RASGRP3: variants seen among roughly 807,000 people sequenced by gnomAD.
RASGRP3 encodes the protein RAS guanyl releasing protein 3.
RASGRP3 carries 54 observed loss-of-function variants against 82.7 expected under a neutral mutation model. The ratio of observed to expected loss-of-function variants is 0.65; its 90% CI spans 0.52 to 0.82. RASGRP3 has a LOEUF of 0.82. RASGRP3 is among the 40% of genes least tolerant of loss of function. The pLI, the probability that RASGRP3 is intolerant of heterozygous loss-of-function variation, is 0.00. For synonymous variants in RASGRP3, 309 were observed against 300.5 expected, an observed-to-expected ratio of 1.03 and a Z score of -0.29; for missense variants, 861 against 828.9, an observed-to-expected ratio of 1.04 and a Z score of -0.48.
chr2:33,468,067 T>G (rs1324415999), intron 2 of RASGRP3, among the ~76,000 whole-genome samples: 1 of 150,880 alleles, frequency 6.6e-6, no homozygotes, highest in Non-Finnish European at 1.5e-5. Context: ...CATGATTTGT[T>G]TTTTTCTCTT....
chr2:33,484,081 A>G (rs1668161854), intron 1 of RASGRP3, among the ~76,000 whole-genome samples: 1 of 152,190 alleles, frequency 6.6e-6, no homozygotes, highest in Non-Finnish European at 1.5e-5. Context: ...CCATCCAGCA[A>G]TTCAAATTTG....
At chr2:33,488,667 G>T (rs1274262637) in intron 1 of RASGRP3, among the ~76,000 whole-genome samples, 1 of 152,086 alleles carries the variant, frequency 6.6e-6, no homozygotes, top group African/African-American at 2.4e-5. Context: ...AATAAAACAA[G>T]GGCCAAAATC....
chr2:33,539,040 AAAT>A (rs983510545), intron 11 of RASGRP3, 51 bp from the exon 12 acceptor site: 852 of 1,258,810 alleles, frequency 6.8e-4, no homozygotes, highest in Non-Finnish European at 7.6e-4. Flanking sequence ...CCCTGTCTCA[AAAT>A]AATAATAATA....
intron 1 of RASGRP3, among the ~76,000 whole-genome samples, chr2:33,487,828 G>A (rs1668525217): frequency 1.3e-5 from 2 of 152,170 alleles, no homozygotes; most frequent in South Asian, 2.1e-4. Context: ...TGCCAGCCAT[G>A]GTGGCTCATG....
In RASGRP3 at chr2:33,540,794, T is replaced by G. The variant is rs537153843; in HGVS notation, c.1278+1584T>G. Reference sequence around the variant, plus strand: ...ATAAATATGGATGTTAAACTATAAATAGTAGGCATTCCAAAATAGTTAACT... The same window carrying G: ...ATAAATATGGATGTTAAACTATAAAGAGTAGGCATTCCAAAATAGTTAACT... On this transcript the variant is annotated intron_variant, in intron 12 of 17. Coordinates refer to ENST00000403687, the MANE Select transcript of RASGRP3 (RefSeq NM_001139488.2). Among the ~76,000 whole-genome samples, 2 of 145,808 alleles carry G rather than the reference T, an allele frequency of 1.4e-5. 1 individual carries two copies. Among genetic ancestry groups the G allele is most frequent in the Admixed American group, 1.4e-4 (2 of 14,020 alleles).
chr2:33,437,774 G>C (rs1248015772), intron 1 of RASGRP3, among the ~76,000 whole-genome samples: 2 of 151,866 alleles, frequency 1.3e-5, no homozygotes, highest in African/African-American at 4.8e-5. Context: ...CTGTTAGAAA[G>C]TATAATATGT....
At chr2:33,512,190 C>G (rs772839273) in intron 2 of RASGRP3, among the ~76,000 whole-genome samples, 3 of 152,174 alleles carry the variant, frequency 2.0e-5, no homozygotes, top group Middle Eastern at 3.2e-3. Flanking sequence ...CCACCTGGCC[C>G]GTCGTGTGCC....
chr2:33,555,454 A>C, intron 14 of RASGRP3, 77 bp from the exon 15 acceptor site: 1 of 1,303,578 alleles, frequency 7.7e-7, no homozygotes, highest in Non-Finnish European at 1.1e-6. Context: ...GCTTCCCAGG[A>C]CTTCCTTTTC....
intron 2 of RASGRP3, among the ~76,000 whole-genome samples, chr2:33,466,435 T>C (rs1177548851): frequency 6.6e-6 from 1 of 152,172 alleles, no homozygotes; most frequent in African/African-American, 2.4e-5. Flanking sequence ...TCCCAGCACC[T>C]TGGGAGGCCG....
At chr2:33,516,989 T>G (rs1671528090) in intron 4 of RASGRP3, among the ~76,000 whole-genome samples, 1 of 152,246 alleles carries the variant, frequency 6.6e-6, no homozygotes, top group African/African-American at 2.4e-5. Flanking sequence ...TCTTCTGGGA[T>G]GGCAAAATGG....
rs980788202 is a variant in RASGRP3 at position 33,477,441 on chromosome 2, T to C, written c.-261+734T>C. Among the ~76,000 whole-genome samples the C allele has an allele frequency of 5.3e-5, 8 of 152,378 alleles. No homozygotes were observed. In the South Asian group the frequency reaches 1.7e-3, roughly 32 times the overall value. On this transcript the variant is annotated intron_variant, in intron 1 of 17. Transcript: ENST00000403687. ...TTACTTTAAAATGTTCGGTTGCCGC[T>C]GGTCTTCCTTATTTTAGTGTTTTCG... is the stretch of plus-strand genomic sequence containing the variant.
Position 33,538,836 on chromosome 2 carries a change from A to G in RASGRP3, c.1162-258A>G, listed in dbSNP as rs565081095. ...GGAGAATTGCTTGAGCCCAGGAGTT[A>G]GAGACCAGCCTGTGCAACATGGTGA... On this transcript the variant is annotated intron_variant, in intron 11 of 17. Coordinates refer to ENST00000403687, the MANE Select transcript of RASGRP3 (RefSeq NM_001139488.2). 1.5e-3 allele frequency among the ~76,000 whole-genome samples: 234 copies of G among 152,196 alleles called. 1 individual carries two copies. The highest frequency in any genetic ancestry group is 5.3e-3 in the African/African-American group (222 of 41,544).
intron 12 of RASGRP3, among the ~76,000 whole-genome samples, chr2:33,543,280 C>G (rs13428482): frequency 0.13 from 19,300 of 152,198 alleles, 1,563 homozygotes; most frequent in Admixed American, 0.17. Flanking sequence ...CTCCAACTCC[C>G]AAAGTGCTGG....
chr2:33,555,684 T>C, intron 15 of RASGRP3, 117 bp downstream of exon 15: 2 of 908,158 alleles, frequency 2.2e-6, no homozygotes, highest in South Asian at 3.2e-5. Context: ...GTCTTTTGGG[T>C]CAACGGCAAC....
At chr2:33,561,625 T>C (rs1169663189) in intron 17 of RASGRP3, among the ~76,000 whole-genome samples, 1 of 152,156 alleles carries the variant, frequency 6.6e-6, no homozygotes, top group Non-Finnish European at 1.5e-5. Flanking sequence ...TTTTTTTTTT[T>C]TCTGCCAGGC....
At chr2:33,519,051 A>T (rs186832180) in intron 4 of RASGRP3, among the ~76,000 whole-genome samples, 1 of 152,336 alleles carries the variant, frequency 6.6e-6, no homozygotes, top group East Asian at 1.9e-4. Flanking sequence ...CTCAAGTATC[A>T]TATACTATAC....
rs896846657 is a variant in RASGRP3 at position 33,514,610 on chromosome 2, G to A, written c.-127-400G>A. 5.9e-5 allele frequency among the ~76,000 whole-genome samples: 9 copies of A among 151,394 alleles called. No individual in the cohort carries two copies. In the East Asian group the frequency reaches 7.7e-4, roughly 13 times the overall value. ...AGAAGTGGGAGAATTGCTTGAACCC[G>A]GGAGGTCGAGGCTGCTGTGAGCCGA... On this transcript the variant is annotated intron_variant, in intron 2 of 17. Transcript: ENST00000403687.
chr2:33,504,482 A>T (rs979758301), intron 1 of RASGRP3, among the ~76,000 whole-genome samples: 3 of 152,244 alleles, frequency 2.0e-5, no homozygotes, highest in African/African-American at 7.2e-5. Context: ...GACAATAAAC[A>T]TTGGCTTTTG....
intron 10 of RASGRP3, among the ~76,000 whole-genome samples, chr2:33,530,085 G>A (rs1192186839): frequency 6.6e-6 from 1 of 152,196 alleles, no homozygotes; most frequent in African/African-American, 2.4e-5. Context: ...GAGCCCAGCG[G>A]CCATTTTAGG....
Sources: allele counts gnomAD v4.1 joint callset (sites outside exome capture counted in the v4.1 genomes callset), GRCh38; gene constraint gnomAD v4.1.1; transcripts MANE v1.5; gene names NCBI Gene and HGNC (gene_info 2026-07-23, HGNC 2026-07-21).